The following LSAMP variants were observed in gnomAD, a reference collection of about 807,000 sequenced individuals.
LSAMP encodes limbic system associated membrane protein.
A neutral mutation model predicts 38.6 loss-of-function variants in LSAMP; 7 were observed. The ratio of observed to expected loss-of-function variants is 0.18; its 90% CI spans 0.10 to 0.34. The LOEUF (loss-of-function observed/expected upper bound fraction) is 0.34. LSAMP is among the 10% of genes least tolerant of loss of function. The probability of loss-of-function intolerance (pLI) is 1.00; values close to 1 mark genes in which losing one functional copy is unlikely to be tolerated. For synonymous variants in LSAMP, 154 were observed against 166.8 expected (o/e 0.92, Z 0.59); for missense variants, 313 against 420.0 (o/e 0.75, Z 2.23).
At chr3:116,228,730 G>A (rs1391838108) in intron 1 of LSAMP, among the ~76,000 whole-genome samples, 2 of 152,044 alleles carry the variant, frequency 1.3e-5, no homozygotes, top group Admixed American at 6.6e-5. Flanking sequence ...TTATCATTTG[G>A]AAAAATGTCA....
At chr3:116,014,678 C>T (rs921546740) in intron 3 of LSAMP, among the ~76,000 whole-genome samples, 10 of 152,140 alleles carry the variant, frequency 6.6e-5, no homozygotes, top group African/African-American at 2.2e-4. Context: ...CAAGAAAGCC[C>T]CAGAGAAATA....
At chr3:116,044,166 T>C (rs1175548414) in intron 2 of LSAMP, among the ~76,000 whole-genome samples, 1 of 152,196 alleles carries the variant, frequency 6.6e-6, no homozygotes, top group East Asian at 1.9e-4. Context: ...TTACCTGCAG[T>C]GTGTTGAGTA....
At chr3:115,860,062 ACTGTAT>A (rs1472557646) in intron 3 of LSAMP, among the ~76,000 whole-genome samples, 1 of 152,206 alleles carries the variant, frequency 6.6e-6, no homozygotes, top group African/African-American at 2.4e-5. Flanking sequence ...TTTGATCATC[ACTGTAT>A]CCCTTCCCTA....
intron 1 of LSAMP, among the ~76,000 whole-genome samples, chr3:116,180,880 G>A (rs1042023333): frequency 2.0e-5 from 3 of 152,060 alleles, no homozygotes; most frequent in Non-Finnish European, 4.4e-5. Flanking sequence ...CACAAAGATG[G>A]TTGTATCCTT....
intron 1 of LSAMP, among the ~76,000 whole-genome samples, chr3:116,201,743 A>G (rs2045989829): frequency 6.6e-6 from 1 of 152,034 alleles, no homozygotes; most frequent in African/African-American, 2.4e-5. Context: ...ACTTTGAGTG[A>G]CTCTTTTCCC....
At chr3:116,246,588 A>T (rs539758285) in intron 1 of LSAMP, among the ~76,000 whole-genome samples, 1 of 152,210 alleles carries the variant, frequency 6.6e-6, no homozygotes, top group Non-Finnish European at 1.5e-5. Flanking sequence ...GTGCAGTGCC[A>T]TCTGCTCCTG....
chr3:116,442,969 T>C (rs895565272), intron 1 of LSAMP, among the ~76,000 whole-genome samples: 16 of 152,252 alleles, frequency 1.1e-4, no homozygotes, highest in Non-Finnish European at 2.1e-4. Context: ...TCTATACTTA[T>C]CTAACTCTTA....
At chr3:115,842,437 G>A in intron 5 of LSAMP, 21 bp downstream of exon 5, 1 of 1,612,056 alleles carries the variant, frequency 6.2e-7, no homozygotes, top group East Asian at 2.2e-5. Context: ...AGTCATGGGG[G>A]ATGGTAGGTT....
At chr3:116,025,936 T>TA (rs549706591) in intron 2 of LSAMP, among the ~76,000 whole-genome samples, 6 of 152,296 alleles carry the variant, frequency 3.9e-5, no homozygotes, top group Middle Eastern at 6.8e-3. Context: ...AATTCTGCAT[T>TA]AAAAAATACA....
chr3:116,080,314 C>A (rs1707844123), intron 2 of LSAMP, among the ~76,000 whole-genome samples: 1 of 152,106 alleles, frequency 6.6e-6, no homozygotes, highest in African/African-American at 2.4e-5. Context: ...CATACTGAGC[C>A]AACTCTTGTG....
intron 1 of LSAMP, among the ~76,000 whole-genome samples, chr3:116,432,550 T>A (rs2049295337): frequency 6.6e-6 from 1 of 151,816 alleles, no homozygotes; most frequent in Admixed American, 6.6e-5. Context: ...TATTATGATA[T>A]TTATAATATA....
intron 1 of LSAMP, among the ~76,000 whole-genome samples, chr3:116,109,044 T>G (rs1282900213): frequency 1.3e-5 from 2 of 152,156 alleles, no homozygotes; most frequent in East Asian, 3.9e-4. Flanking sequence ...TAAGACGGCC[T>G]TTTGACCTTT....
intron 1 of LSAMP, among the ~76,000 whole-genome samples, chr3:116,340,612 A>T (rs902915854): frequency 6.6e-6 from 1 of 152,030 alleles, no homozygotes; most frequent in African/African-American, 2.4e-5. Context: ...ATCTCCAGAC[A>T]TGCATATAAT....
At chr3:115,856,282 C>T (rs1935503916) in intron 3 of LSAMP, among the ~76,000 whole-genome samples, 1 of 152,096 alleles carries the variant, frequency 6.6e-6, no homozygotes, top group Non-Finnish European at 1.5e-5. Context: ...GTGATTAGGT[C>T]ATGAAGATGG....
chr3:115,806,115 C>T lies in LSAMP; in HGVS notation c.*4202G>A, dbSNP rs553067012. On this transcript the variant is annotated 3_prime_UTR_variant, in exon 7 of 7. Coordinates refer to ENST00000490035, the MANE Select transcript of LSAMP (RefSeq NM_002338.5). ...AAAGAAAAATGAGGACATGGTTAAT[C>T]CCATTAAACATAGTCTATAAGCAAA... is the stretch of plus-strand genomic sequence containing the variant. 6.6e-6 allele frequency: 1 copy of T among 152,206 alleles called. No homozygotes were observed. The highest frequency in any genetic ancestry group is 2.4e-5 in the African/African-American group (1 of 41,536). The allele number at this position is 152,206 out of a possible 1,614,324, so 9.4% of individuals were successfully genotyped here.
chr3:116,112,440 T>G (rs1217783926), intron 1 of LSAMP, among the ~76,000 whole-genome samples: 1 of 152,206 alleles, frequency 6.6e-6, no homozygotes. Flanking sequence ...GGCAATGAGC[T>G]TGCGAATGAC....
chr3:116,418,047 T>C (rs1425330936), intron 1 of LSAMP, among the ~76,000 whole-genome samples: 1 of 152,244 alleles, frequency 6.6e-6, no homozygotes, highest in African/African-American at 2.4e-5. Context: ...GTGCCATTTT[T>C]AGAATATTTG....
chr3:116,264,349 A>AAACTT (rs940541677), intron 1 of LSAMP, among the ~76,000 whole-genome samples: 3 of 152,164 alleles, frequency 2.0e-5, no homozygotes, highest in African/African-American at 7.2e-5. Context: ...CTTGACTGCC[A>AAACTT]AACTTAGGCA....
At position 116,235,555 on chromosome 3, in the gene LSAMP, C is replaced by T. The variant is rs564383778; in HGVS notation, c.156-148999G>A. Among the ~76,000 whole-genome samples, 5 of 152,148 alleles carry T rather than the reference C, an allele frequency of 3.3e-5. No homozygotes were observed. The South Asian group carries it at 1.0e-3, about 32-fold the overall frequency. On this transcript the variant is annotated intron_variant, in intron 1 of 6. Coordinates refer to ENST00000490035, the MANE Select transcript of LSAMP (RefSeq NM_002338.5). ...CTCTAAGTGTTAAATAATTGAATCT[C>T]CAAAACTGTTTTATCAGTGAAAGTA... is the stretch of plus-strand genomic sequence containing the variant.
Sources: gnomAD v4.1 joint callset for allele counts (sites outside exome capture counted in the v4.1 genomes callset) on GRCh38, gnomAD v4.1.1 for gene constraint, MANE v1.5 for transcripts, NCBI Gene and HGNC (gene_info 2026-07-23, HGNC 2026-07-21) for gene names.